ECM1: variants seen among roughly 807,000 people sequenced by gnomAD.
The protein encoded by ECM1 is extracellular matrix protein 1.
ECM1 carries 54 observed loss-of-function variants against 57.9 expected under a neutral mutation model. That is an observed-to-expected ratio of 0.93 (90% confidence interval 0.75 to 1.17). The LOEUF (loss-of-function observed/expected upper bound fraction) is 1.17, where lower values mean the gene tolerates loss of function less well. ECM1 is among the 50% of genes most tolerant of loss of function. ECM1 has a pLI of 0.00. For synonymous variants in ECM1, 237 were observed against 259.1 expected (o/e 0.91, Z 0.82); for missense variants, 649 against 688.1 (o/e 0.94, Z 0.64).
In ECM1 at chr1:150,512,447, T is replaced by C. The variant is rs765188019; in HGVS notation, c.1179T>C (p.Asp393=). Residue 393 remains aspartate (D), a synonymous_variant, in exon 8 of 10, where the codon GAT becomes GAC. Coordinates refer to ENST00000369047, the MANE Select transcript of ECM1 (RefSeq NM_004425.4). ...CCRHPPSPTR[D]ECFARRAPYP... ...GCCACCCTCCCAGCCCTACTCGGGA[T>C]GAGTGCTTTGCCCGTCGGGCTCCTT... 3 of 1,613,776 alleles carry C rather than the reference T, an allele frequency of 1.9e-6. No homozygotes were observed. The East Asian group carries it at 6.7e-5, about 36-fold the overall frequency.
chr1:150,512,622 T>C, intron 8 of ECM1, 50 bp downstream of exon 8: 2 of 1,613,148 alleles, frequency 1.2e-6, no homozygotes, highest in Non-Finnish European at 1.7e-6. Flanking sequence ...AAAACTTCCT[T>C]TTGGGACACC....
chr1:150,511,912 T>G, intron 7 of ECM1, 81 bp downstream of exon 7: 1 of 1,466,356 alleles, frequency 6.8e-7, no homozygotes, highest in Non-Finnish European at 9.0e-7. Flanking sequence ...AGTCCATCCA[T>G]CCATGTACCC....
intron 3 of ECM1, 76 bp downstream of exon 3, chr1:150,509,838 GA>G: frequency 6.2e-7 from 1 of 1,613,844 alleles, no homozygotes; most frequent in Non-Finnish European, 8.5e-7. Flanking sequence ...TTTTCAGGTG[GA>G]AAGGAGGGAA....
intron 1 of ECM1, 94 bp downstream of exon 1, chr1:150,508,373 G>A: frequency 4.0e-6 from 5 of 1,256,472 alleles, no homozygotes; most frequent in South Asian, 3.6e-5. Flanking sequence ...CTAGCAGAGT[G>A]ATTCTCCGTT....
Position 150,513,559 on chromosome 1 carries a change from G to C in ECM1, c.*92G>C. On this transcript the variant is annotated 3_prime_UTR_variant, in exon 10 of 10. Coordinates refer to ENST00000369047, the MANE Select transcript of ECM1 (RefSeq NM_004425.4). ...ATTACACTAAACACCTCTTGGATTT[G>C]GTGTCCTCATTGTCTATCTAATGTC... 1 of 1,197,080 alleles carries C rather than the reference G, an allele frequency of 8.4e-7. No homozygotes were observed. The highest frequency in any genetic ancestry group is 1.2e-6 in the Non-Finnish European group (1 of 860,986). 74.2% of individuals were successfully genotyped at this position (1,197,080 alleles called of 1,614,324 possible). A position where few individuals can be genotyped will look rare whatever the true frequency, so the allele number is the denominator to read the frequency against.
At chr1:150,510,233 C>T (rs1560265056) in intron 5 of ECM1, 51 bp downstream of exon 5, 2 of 1,556,706 alleles carry the variant, frequency 1.3e-6, no homozygotes, top group South Asian at 1.1e-5. Flanking sequence ...GGCCTTCCCC[C>T]AGAGCATGGG....
At position 150,509,696 on chromosome 1, in the gene ECM1, C is replaced by T. The variant is rs121909115; in HGVS notation, c.157C>T (p.Arg53Ter). 26 of 1,613,644 alleles carry T rather than the reference C, an allele frequency of 1.6e-5. 1 individual carries two copies. The highest frequency in any genetic ancestry group is 4.5e-5 in the East Asian group (2 of 44,858). Residue 53 changes from arginine to a stop codon, truncating the protein, a stop_gained, in exon 3 of 10, where the codon CGA (arginine) becomes TGA (stop). Transcript: ENST00000369047. LOFTEE classifies it high-confidence loss of function. ...AGCTCCCCCCTCCCCACCCCTATCCCGAAGCCTCCCCATGGATCACCCTGA... is the reference window on the plus strand; with the variant it reads ...AGCTCCCCCCTCCCCACCCCTATCCTGAAGCCTCCCCATGGATCACCCTGA... ...YAAPPSPPLS[R>*]SLPMDHPDSS...
intron 1 of ECM1, among the ~76,000 whole-genome samples, chr1:150,508,973 C>T (rs890969904): frequency 2.0e-5 from 3 of 152,108 alleles, no homozygotes; most frequent in African/African-American, 7.2e-5. Flanking sequence ...GTGCCTGTCC[C>T]AGTCCCCCAG....
rs41264469 is a variant in ECM1, at chr1:150,509,779, A to G, written c.223+17A>G. 0.12 allele frequency: 195,687 copies of G among 1,611,474 alleles called. 13,504 individuals carry two copies. The highest frequency in any genetic ancestry group is 0.14 in the Non-Finnish European group (166,020 of 1,178,916). On this transcript the variant is annotated intron_variant, in intron 3 of 9. Coordinates refer to ENST00000369047, the MANE Select transcript of ECM1 (RefSeq NM_004425.4). ...AGAGTCAAGGTAAGGTCACCATCCC[A>G]TGCCCTCCTCAGTGACCCTCCAGGT...
At position 150,512,485 on chromosome 1, in the gene ECM1, A is replaced by ACCGTC. The variant is rs1396097710; in HGVS notation, c.1220_1221insTCCCG (p.Asp408ProfsTer5). On this transcript the variant is annotated frameshift_variant, in exon 8 of 10. Coordinates refer to ENST00000369047, the MANE Select transcript of ECM1 (RefSeq NM_004425.4). LOFTEE classifies it high-confidence loss of function. ...CGTCGGGCTCCTTACCCCAACTATG[A>ACCGTC]CCGGGACATCTTGACCATTGACATC... 1.2e-6 allele frequency: 2 copies of ACCGTC among 1,613,458 alleles called. No individual in the cohort carries two copies. Among genetic ancestry groups the ACCGTC allele is most frequent in the South Asian group, 2.2e-5 (2 of 91,018 alleles).
intron 5 of ECM1, chr1:150,510,674 G>A: frequency 1.5e-6 from 1 of 657,570 alleles, no homozygotes; most frequent in Non-Finnish European, 2.7e-6. Flanking sequence ...GGGGCAGGCT[G>A]TGAGCTGACA....
chr1:150,509,242 A>G, intron 1 of ECM1: 1 of 516,818 alleles, frequency 1.9e-6, no homozygotes, highest in Non-Finnish European at 3.5e-6. Flanking sequence ...AGAGGAAATG[A>G]GGGCCTCCCT....
intron 6 of ECM1, 65 bp from the exon 7 acceptor site, chr1:150,511,392 T>C: frequency 6.2e-7 from 1 of 1,612,644 alleles, no homozygotes; most frequent in South Asian, 1.1e-5. Context: ...CCCAGTGTCC[T>C]TTCCTGGAGC....
At chr1:150,510,067 C>G in intron 4 of ECM1, 35 bp from the exon 5 acceptor site, 1 of 1,613,482 alleles carries the variant, frequency 6.2e-7, no homozygotes, top group African/African-American at 1.3e-5. Context: ...CCAGGCTGAT[C>G]CCTGCTCCTT....
intron 9 of ECM1, 73 bp downstream of exon 9, chr1:150,512,885 C>G: frequency 6.6e-7 from 1 of 1,506,386 alleles, no homozygotes; most frequent in East Asian, 2.3e-5. Context: ...GCAGGCCACC[C>G]CTTCTCTTTA....
chr1:150,508,305 AGG>A (rs1326218652), intron 1 of ECM1, 26 bp downstream of exon 1: 1 of 1,608,990 alleles, frequency 6.2e-7, no homozygotes, highest in Admixed American at 1.7e-5. Flanking sequence ...AGCACTTAGG[AGG>A]GGGTCTGGGC....
At position 150,513,412 on chromosome 1, in the gene ECM1, AG is replaced by A; in HGVS notation, c.1571del (p.Gly524AlafsTer43). 1 of 1,614,170 alleles carries A rather than the reference AG, an allele frequency of 6.2e-7. No homozygotes were observed. The highest frequency in any genetic ancestry group is 8.5e-7 in the Non-Finnish European group (1 of 1,180,032). ...DTENAKGQGE[Q>X]GSTGGTNISS... ...GAGAACGCCAAGGGCCAGGGGGAGC[AG>A]GGCTCAACTGGAGGAACAAATATCA... On this transcript the variant is annotated frameshift_variant, in exon 10 of 10. Transcript: ENST00000369047. LOFTEE classifies it high-confidence loss of function.
Position 150,512,776 on chromosome 1 carries a change from G to A in ECM1, c.1356G>A (p.Leu452=). The A allele has an allele frequency of 6.2e-7, 1 of 1,614,122 alleles. No homozygotes were observed. Among genetic ancestry groups the A allele is most frequent in the Non-Finnish European group, 8.5e-7 (1 of 1,180,020 alleles). ...IHNMTARCCD[L]PFPEQACCAE... Reference sequence around the variant, plus strand: ...ACATGACTGCCCGCTGCTGTGACCTGCCATTTCCAGAACAGGCCTGCTGTG... The same window carrying A: ...ACATGACTGCCCGCTGCTGTGACCTACCATTTCCAGAACAGGCCTGCTGTG... Residue 452 remains leucine, a synonymous_variant, in exon 9 of 10, where the codon CTG becomes CTA. Coordinates refer to ENST00000369047, the MANE Select transcript of ECM1 (RefSeq NM_004425.4).
In ECM1 at chr1:150,510,132, C is replaced by T. The variant is rs1670398566; in HGVS notation, c.335C>T (p.Pro112Leu). ...VGPPLPQEAV[P>L]LQKELPSLQH... The stretch of plus-strand genomic sequence containing the variant: ...CCCCCTCTCCCTCAGGAAGCTGTCC[C>T]CCTCCAAAAAGAGCTGCCCTCTCTC... Residue 112 changes from proline (P) to leucine (L), a missense_variant, in exon 5 of 10, where the codon CCC becomes CTC. Coordinates refer to ENST00000369047, the MANE Select transcript of ECM1 (RefSeq NM_004425.4). The T allele has an allele frequency of 6.2e-7, 1 of 1,614,094 alleles. No homozygotes were observed. Among genetic ancestry groups the T allele is most frequent in the Non-Finnish European group, 8.5e-7 (1 of 1,179,966 alleles).
Sources: gnomAD v4.1 joint callset for allele counts (sites outside exome capture counted in the v4.1 genomes callset) on GRCh38, gnomAD v4.1.1 for gene constraint, MANE v1.5 for transcripts, NCBI Gene and HGNC (gene_info 2026-07-23, HGNC 2026-07-21) for gene names.